Variants in ABL2 observed in about 807,000 individuals in gnomAD.
ABL2 encodes the protein ABL proto-oncogene 2, non-receptor tyrosine kinase.
ABL2 carries 49 observed loss-of-function variants against 107.7 expected under a neutral mutation model. That is an observed-to-expected ratio of 0.45 (90% CI 0.36 to 0.58). The LOEUF (loss-of-function observed/expected upper bound fraction) is 0.58, where lower values mean the gene tolerates loss of function less well. Among genes scored for constraint, ABL2 ranks in the 20% least tolerant of loss-of-function variants. The probability of loss-of-function intolerance (pLI) is 0.00; values close to 1 mark genes in which losing one functional copy is unlikely to be tolerated. For synonymous variants in ABL2, 549 were observed against 548.6 expected, an observed-to-expected ratio of 1.00 and a Z score of -0.01; for missense variants, 1,245 against 1,457.0, an observed-to-expected ratio of 0.85 and a Z score of 2.37.
Position 179,213,970 on chromosome 1 carries a change from C to A in ABL2, c.157+15271G>T, listed in dbSNP as rs144230635. On this transcript the variant is annotated intron_variant, in intron 1 of 11. Transcript: ENST00000502732. ...AAAGAAAAAAATTATCTAGAAATATCAGTTTTAATAAAATAAAAATATCAG... is the reference window on the plus strand; with the variant it reads ...AAAGAAAAAAATTATCTAGAAATATAAGTTTTAATAAAATAAAAATATCAG... Among the ~76,000 whole-genome samples the A allele has an allele frequency of 4.9e-3, 753 of 152,128 alleles. 9 individuals are homozygous for A. The highest frequency in any genetic ancestry group is 0.017 in the African/African-American group (717 of 41,502).
chr1:179,211,403 TC>T (rs1662265064), intron 1 of ABL2, among the ~76,000 whole-genome samples: 1 of 151,962 alleles, frequency 6.6e-6, no homozygotes, highest in East Asian at 1.9e-4. Flanking sequence ...GTGCCTATAG[TC>T]CCAGCTATTC....
At position 179,229,597 on chromosome 1, in the gene ABL2, CT is replaced by C; in HGVS notation, c.-201del. The C allele has an allele frequency of 3.6e-6, 2 of 554,688 alleles. No homozygotes were observed. Among genetic ancestry groups the C allele is most frequent in the Non-Finnish European group, 3.0e-6 (1 of 336,914 alleles). The allele number at this position is 554,688 out of a possible 1,614,324, so 34.4% of individuals were successfully genotyped here. On this transcript the variant is annotated 5_prime_UTR_variant, in exon 1 of 12. The change abolishes the stop of an existing upstream ORF in the 5' untranslated region. Transcript: ENST00000502732. ...GCCTCCAGGCGACTCACAGATTCTG[CT>C]TTTCCCTCCTCCTGTCGCGGCTCCG...
In ABL2 at chr1:179,169,320, G is replaced by A. The variant is rs374750533; in HGVS notation, c.158-35946C>T. ...TGCCAGCACTTTGGGAGGCCGAGGC[G>A]GGCAGATCACAAGGTCAGGAGATCG... On this transcript the variant is annotated intron_variant, in intron 1 of 11. Transcript: ENST00000502732. Among the ~76,000 whole-genome samples, 335 of 152,138 alleles carry A rather than the reference G, an allele frequency of 2.2e-3. 2 individuals carry two copies. The highest frequency in any genetic ancestry group is 4.0e-3 in the Admixed American group (61 of 15,268).
At position 179,099,899 on chromosome 1, in the gene ABL2, C is replaced by G. The variant is rs1446945361; in HGVS notation, c.*7819G>C. 2 of 232,544 alleles carry G rather than the reference C, an allele frequency of 8.6e-6. No homozygotes were observed. Among genetic ancestry groups the G allele is most frequent in the Non-Finnish European group, 1.7e-5 (2 of 117,718 alleles). 14.4% of individuals were successfully genotyped at this position (232,544 alleles called of 1,614,324 possible). ...GGAGGTTCTGAGTATACATCAACAGCTAAGTCAGCCTGTTCACAGTCAACA... is the reference window on the plus strand; with the variant it reads ...GGAGGTTCTGAGTATACATCAACAGGTAAGTCAGCCTGTTCACAGTCAACA... On this transcript the variant is annotated 3_prime_UTR_variant, in exon 12 of 12. Transcript: ENST00000502732.
intron 1 of ABL2, among the ~76,000 whole-genome samples, chr1:179,142,756 TTCAG>T (rs1657702276): frequency 6.6e-6 from 1 of 152,196 alleles, no homozygotes; most frequent in South Asian, 2.1e-4. Context: ...CATTCTTCCA[TTCAG>T]TATTTATTGA....
At position 179,108,965 on chromosome 1, in the gene ABL2, G is replaced by A. The variant is rs1653763764; in HGVS notation, c.2302C>T (p.Pro768Ser). The A allele has an allele frequency of 6.2e-7, 1 of 1,614,152 alleles. No homozygotes were observed. Among genetic ancestry groups the A allele is most frequent in the Non-Finnish European group, 8.5e-7 (1 of 1,180,042 alleles). Residue 768 changes from proline to serine, a missense_variant, in exon 12 of 12, where the codon CCC becomes TCC. Pro to Ser is a moderately conservative substitution (Grantham distance 74, BLOSUM62 -1). Transcript: ENST00000502732. ...KKTLGLRAGK[P>S]TASDDTSKPF... ...TTGGAAGTGTCATCACTGGCTGTGG[G>A]TTTACCTGCTCGTAAGCCCAGTGTC...
chr1:179,190,057 T>TCTG (rs1421050764), intron 1 of ABL2, among the ~76,000 whole-genome samples: 1 of 152,112 alleles, frequency 6.6e-6, no homozygotes, highest in East Asian at 1.9e-4. Context: ...CCTCAGGTGA[T>TCTG]CTGCCCACCT....
intron 1 of ABL2, among the ~76,000 whole-genome samples, chr1:179,228,616 G>A (rs1663365427): frequency 6.6e-6 from 1 of 152,074 alleles, no homozygotes; most frequent in Non-Finnish European, 1.5e-5. Context: ...ATAGTACAGA[G>A]GCTTTGGCAA....
rs140936167 is a variant in ABL2 at position 179,104,505 on chromosome 1, T to G, written c.*3213A>C. On this transcript the variant is annotated 3_prime_UTR_variant, in exon 12 of 12. Coordinates refer to ENST00000502732, the MANE Select transcript of ABL2 (RefSeq NM_007314.4). ...AATGCTGCTGGTAAAGGGTCTCCAC[T>G]ATAATGACCTCTATGTACAGAGGTC... is the stretch of plus-strand genomic sequence containing the variant. 21 of 211,128 alleles carry G rather than the reference T, an allele frequency of 9.9e-5. 1 individual carries two copies. In the South Asian group the frequency reaches 3.6e-3, roughly 36 times the overall value. 13.1% of individuals were successfully genotyped at this position (211,128 alleles called of 1,614,324 possible). A position where few individuals can be genotyped will look rare whatever the true frequency, so the allele number is the denominator to read the frequency against.
At chr1:179,120,816 TC>T (rs2102625585) in intron 5 of ABL2, among the ~76,000 whole-genome samples, 1 of 152,326 alleles carries the variant, frequency 6.6e-6, no homozygotes, top group East Asian at 1.9e-4. Flanking sequence ...TGTCCTATAA[TC>T]AACTGAAACA....
chr1:179,229,254 G>C lies in ABL2; in HGVS notation c.144C>G (p.Ile48Met), dbSNP rs923070533. Residue 48 changes from isoleucine (I) to methionine (M), a missense_variant, in exon 1 of 12, where the codon ATC becomes ATG. Physicochemically the swap from Ile to Met is conservative, Grantham distance 10. This residue lies in a region of ABL2 where 164 missense variants were observed against 143.7 expected (regional missense o/e 1.14). Transcript: ENST00000502732. ...AGACACACTCACCATGCTGGGTGAA[G>C]ATATTGAAGCCGGTCTCTGTGGTGC... ...AGRTTETGFN[I>M]FTQHDHFASC... is the part of the protein sequence containing the mutation. 1 of 1,547,726 alleles carries C rather than the reference G, an allele frequency of 6.5e-7. No individual in the cohort carries two copies. The highest frequency in any genetic ancestry group is 1.2e-5 in the South Asian group (1 of 84,860).
intron 1 of ABL2, among the ~76,000 whole-genome samples, chr1:179,222,412 C>G (rs868799073): frequency 3.3e-5 from 5 of 151,676 alleles, no homozygotes; most frequent in African/African-American, 1.2e-4. Context: ...TTTTTTGAGA[C>G]AGGGTTTTGC....
intron 1 of ABL2, among the ~76,000 whole-genome samples, chr1:179,133,643 T>C (rs1656564265): frequency 6.6e-6 from 1 of 152,210 alleles, no homozygotes; most frequent in Non-Finnish European, 1.5e-5. Context: ...GGCTGATTTC[T>C]ACTTGTAATA....
chr1:179,140,038 T>C (rs1317606260), intron 1 of ABL2, among the ~76,000 whole-genome samples: 2 of 152,300 alleles, frequency 1.3e-5, no homozygotes, highest in East Asian at 3.9e-4. Context: ...TTCCCTACTG[T>C]TTATTCTCAA....
chr1:179,214,985 C>T (rs1662480579), intron 1 of ABL2, among the ~76,000 whole-genome samples: 1 of 152,026 alleles, frequency 6.6e-6, no homozygotes, highest in Non-Finnish European at 1.5e-5. Context: ...CATGGTGAAA[C>T]TCCTTCTCTA....
At chr1:179,228,106 C>T (rs905618329) in intron 1 of ABL2, among the ~76,000 whole-genome samples, 12 of 148,450 alleles carry the variant, frequency 8.1e-5, no homozygotes, top group African/African-American at 2.7e-4. Flanking sequence ...GGCTCACACC[C>T]GTAATCCCAG....
At chr1:179,134,068 C>T (rs557260985) in intron 1 of ABL2, among the ~76,000 whole-genome samples, 12 of 152,282 alleles carry the variant, frequency 7.9e-5, no homozygotes, top group East Asian at 7.7e-4. Flanking sequence ...ATACATTCTA[C>T]GTATGTTTGT....
intron 1 of ABL2, among the ~76,000 whole-genome samples, chr1:179,176,703 T>TTTTTTTTTTTTTTTC (rs1487566033): frequency 9.2e-5 from 1 of 10,918 alleles, no homozygotes; most frequent in East Asian, 7.2e-3. Context: ...TTACATATTC[T>TTTTTTTTTTTTTTTC]TTTTTTTTTC....
chr1:179,138,861 G>A (rs955868700), intron 1 of ABL2, among the ~76,000 whole-genome samples: 2 of 152,234 alleles, frequency 1.3e-5, no homozygotes, highest in South Asian at 2.1e-4. Flanking sequence ...AGCAGGAACC[G>A]GGGCTGCCTG....
Sources: gnomAD v4.1 joint callset for allele counts (sites outside exome capture counted in the v4.1 genomes callset) on GRCh38, gnomAD v4.1.1 for gene constraint, gnomAD v4.1.1 regional missense constraint, MANE v1.5 for transcripts, NCBI Gene and HGNC (gene_info 2026-07-23, HGNC 2026-07-21) for gene names.